Variants in ZBTB20 observed in about 807,000 individuals in gnomAD.
ZBTB20 encodes the protein zinc finger and BTB domain containing 20, also known as zinc finger and BTB domain-containing protein 20.
ZBTB20 carries 9 observed loss-of-function variants against 56.9 expected under a neutral mutation model. The observed-to-expected ratio is 0.16, with a 90% CI of 0.10 to 0.28. The LOEUF (loss-of-function observed/expected upper bound fraction) is 0.28, where lower values mean the gene tolerates loss of function less well. Among genes scored for constraint, ZBTB20 ranks in the 10% least tolerant of loss-of-function variants. The pLI is 1.00. For synonymous variants in ZBTB20, 417 were observed against 420.7 expected (o/e 0.99, Z 0.11); for missense variants, 655 against 1,003.0 (o/e 0.65, Z 4.69).
intron 1 of ZBTB20, among the ~76,000 whole-genome samples, chr3:115,125,366 T>G (rs1212184877): frequency 6.8e-6 from 1 of 146,876 alleles, no homozygotes; most frequent in Non-Finnish European, 1.5e-5. Context: ...AAAAAGAAAA[T>G]GTGACATACA....
chr3:115,087,956 T>C (rs1004850412), intron 1 of ZBTB20, among the ~76,000 whole-genome samples: 5 of 151,952 alleles, frequency 3.3e-5, no homozygotes, highest in African/African-American at 1.2e-4. Flanking sequence ...TGTGTTAAAG[T>C]GCTTATTTGG....
rs539249610 is a variant in ZBTB20 at position 114,992,146 on chromosome 3, G to C, written c.-506-17730C>G. On this transcript the variant is annotated intron_variant, in intron 2 of 11. Transcript: ENST00000675478. The stretch of plus-strand genomic sequence containing the variant: ...TCTCTCTCACAAATAAATACTCACT[G>C]TATGATGCTAACTGCTAACTTAAAG... Among the ~76,000 whole-genome samples, 17 of 151,848 alleles carry C rather than the reference G, an allele frequency of 1.1e-4. No homozygotes were observed. The South Asian group carries it at 3.3e-3, about 30-fold the overall frequency.
intron 5 of ZBTB20, among the ~76,000 whole-genome samples, chr3:114,726,532 G>C (rs1408978947): frequency 6.6e-6 from 1 of 152,146 alleles, no homozygotes; most frequent in African/African-American, 2.4e-5. Context: ...TTCAGTAGGG[G>C]AAAGTGAGGC....
intron 10 of ZBTB20, among the ~76,000 whole-genome samples, chr3:114,378,707 A>G: frequency 6.6e-6 from 1 of 152,246 alleles, no homozygotes; most frequent in South Asian, 2.1e-4. Context: ...CACCACAGGA[A>G]CGGGCTATTT....
intron 2 of ZBTB20, among the ~76,000 whole-genome samples, chr3:115,022,541 G>A (rs1001191304): frequency 6.6e-6 from 1 of 151,038 alleles, no homozygotes; most frequent in South Asian, 2.1e-4. Flanking sequence ...TTACCTGACA[G>A]AGCCAAGTTT....
chr3:114,829,487 T>G (rs1175106919), intron 4 of ZBTB20, among the ~76,000 whole-genome samples: 3 of 151,846 alleles, frequency 2.0e-5, no homozygotes, highest in African/African-American at 7.2e-5. Flanking sequence ...TTCATAAATC[T>G]TCATATAGGC....
chr3:114,695,008 T>C (rs2062918648), intron 5 of ZBTB20, among the ~76,000 whole-genome samples: 1 of 152,096 alleles, frequency 6.6e-6, no homozygotes, highest in African/African-American at 2.4e-5. Flanking sequence ...GGGTTGGCCA[T>C]AGCAGGTCCC....
chr3:114,410,701 T>C lies in ZBTB20; in HGVS notation c.-254-21596A>G, dbSNP rs561501041. 1.6e-4 allele frequency among the ~76,000 whole-genome samples: 25 copies of C among 152,290 alleles called. 2 individuals carry two copies. The South Asian group carries it at 5.2e-3, about 32-fold the overall frequency. On this transcript the variant is annotated intron_variant, in intron 7 of 11. Transcript: ENST00000675478. ...TCCAGCAGGTAAAATGCTGAAAGGA[T>C]GTCACATCGTGGGGGTGAGGAAGAA...
chr3:114,665,489 T>C (rs1338007482), intron 6 of ZBTB20, among the ~76,000 whole-genome samples: 1 of 152,000 alleles, frequency 6.6e-6, no homozygotes, highest in Non-Finnish European at 1.5e-5. Flanking sequence ...AAGTCTTACC[T>C]AGGAAAGGGA....
chr3:114,930,842 T>C (rs544010175), intron 3 of ZBTB20: 224 of 285,194 alleles, frequency 7.9e-4, no homozygotes, highest in South Asian at 2.2e-3. Context: ...TTTGATGATG[T>C]TGCAGCAGAA....
chr3:114,742,193 T>G (rs2066649143), intron 5 of ZBTB20, among the ~76,000 whole-genome samples: 1 of 152,144 alleles, frequency 6.6e-6, no homozygotes. Flanking sequence ...ATGTTTCAAG[T>G]TTTTAATCTT....
In ZBTB20 at chr3:114,330,670, C is replaced by T. The variant is rs2079217960; in HGVS notation, c.*8335G>A. 6.6e-6 allele frequency: 1 copy of T among 152,060 alleles called. No homozygotes were observed. The highest frequency in any genetic ancestry group is 2.4e-5 in the African/African-American group (1 of 41,386). 9.4% of individuals were successfully genotyped at this position (152,060 alleles called of 1,614,324 possible). A position where few individuals can be genotyped will look rare whatever the true frequency, so the allele number is the denominator to read the frequency against. On this transcript the variant is annotated 3_prime_UTR_variant, in exon 12 of 12. Transcript: ENST00000675478. ...ACAAAAAAGTTGCAACTGTAAGTAG[C>T]CTTACTTAACAGGGGAAGGGGAAAA...
intron 1 of ZBTB20, among the ~76,000 whole-genome samples, chr3:115,128,977 T>C (rs1261762910): frequency 4.6e-5 from 7 of 152,028 alleles, no homozygotes; most frequent in South Asian, 2.1e-4. Context: ...CGGGCGCCTG[T>C]AGTCCCAGCT....
At chr3:114,435,385 A>G (rs1384324729) in intron 7 of ZBTB20, among the ~76,000 whole-genome samples, 1 of 152,178 alleles carries the variant, frequency 6.6e-6, no homozygotes, top group Non-Finnish European at 1.5e-5. Context: ...CCAACTACGA[A>G]TGATTGATAT....
intron 3 of ZBTB20, among the ~76,000 whole-genome samples, chr3:114,922,341 A>C (rs922106189): frequency 2.4e-4 from 36 of 152,186 alleles, no homozygotes; most frequent in Non-Finnish European, 2.2e-4. Flanking sequence ...GCAATTAGGC[A>C]AGAAAAAAAT....
At chr3:114,404,481 G>C (rs1275401088) in intron 7 of ZBTB20, among the ~76,000 whole-genome samples, 1 of 152,090 alleles carries the variant, frequency 6.6e-6, no homozygotes, top group East Asian at 1.9e-4. Context: ...TCCTAACGCC[G>C]AGGGGAAGAA....
chr3:114,777,380 T>C (rs888151263), intron 5 of ZBTB20, among the ~76,000 whole-genome samples: 1 of 152,116 alleles, frequency 6.6e-6, no homozygotes, highest in Non-Finnish European at 1.5e-5. Flanking sequence ...GGTGCATGCC[T>C]GTAATCCCAG....
At chr3:114,603,418 G>A (rs968477387) in intron 6 of ZBTB20, among the ~76,000 whole-genome samples, 2 of 151,746 alleles carry the variant, frequency 1.3e-5, no homozygotes, top group Non-Finnish European at 2.9e-5. Flanking sequence ...CTCATTCAAT[G>A]AACCACATCT....
chr3:114,529,767 C>T (rs2047632783), intron 6 of ZBTB20, among the ~76,000 whole-genome samples: 1 of 152,144 alleles, frequency 6.6e-6, no homozygotes, highest in South Asian at 2.1e-4. Context: ...ACAACCACAG[C>T]CTTTTAATAT....
Sources: allele counts gnomAD v4.1 joint callset (sites outside exome capture counted in the v4.1 genomes callset), GRCh38; gene constraint gnomAD v4.1.1; transcripts MANE v1.5; gene names NCBI Gene and HGNC (gene_info 2026-07-23, HGNC 2026-07-21).